HAGHL: variants seen among roughly 807,000 people sequenced by gnomAD.
HAGHL encodes hydroxyacylglutathione hydrolase like.
HAGHL carries 27 observed loss-of-function variants against 29.2 expected under a neutral mutation model. The observed-to-expected ratio is 0.92, with a 90% CI of 0.68 to 1.27. HAGHL has a LOEUF of 1.27. HAGHL is among the 50% of genes most tolerant of loss of function. The pLI is 0.00. For synonymous variants in HAGHL, 223 were observed against 185.7 expected (o/e 1.20, Z -1.63); for missense variants, 529 against 405.5 (o/e 1.30, Z -2.62).
Position 728,222 on chromosome 16 carries a change from G to C in HAGHL, c.277G>C (p.Glu93Gln). The change falls in exon 3 of 8, where the codon GAG becomes CAG. Residue 93 changes from glutamate to glutamine, a missense_variant. Physicochemically the swap from Glu to Gln is conservative, Grantham distance 29. Transcript: ENST00000389703. The part of the protein sequence containing the change: ...FSLTRRLAHG[E>Q]ELRFGAIHVR... The stretch of plus-strand genomic sequence containing the variant: ...GCTGACGCGCAGGCTGGCGCACGGC[G>C]AGGAGCTGCGGGTGAGCGCGCGCTC... The C allele has an allele frequency of 6.8e-7, 1 of 1,464,570 alleles. No individual in the cohort carries two copies. The highest frequency in any genetic ancestry group is 8.9e-7 in the Non-Finnish European group (1 of 1,118,220). 90.7% of individuals were successfully genotyped at this position (1,464,570 alleles called of 1,614,324 possible).
At position 729,303 on chromosome 16, in the gene HAGHL, C is replaced by A; in HGVS notation, c.696C>A (p.Arg232=). 1 of 1,528,320 alleles carries A rather than the reference C, an allele frequency of 6.5e-7. No homozygotes were observed. Among genetic ancestry groups the A allele is most frequent in the African/African-American group, 1.4e-5 (1 of 72,230 alleles). 94.7% of individuals were successfully genotyped at this position (1,528,320 alleles called of 1,614,324 possible). A position where few individuals can be genotyped will look rare whatever the true frequency, so the allele number is the denominator to read the frequency against. The change falls in exon 8 of 8, where the codon CGC becomes CGA. Residue 232 remains arginine (R), a synonymous_variant. Transcript: ENST00000389703. ...PFLRVAEEPV[R]KFTGKAVPAD... is the part of the protein sequence containing the mutation. ...CTCCCTGCAGAGAGGAGCCGGTGCGCAAGTTCACGGGCAAGGCGGTCCCCG... is the reference window on the plus strand; with the variant it reads ...CTCCCTGCAGAGAGGAGCCGGTGCGAAAGTTCACGGGCAAGGCGGTCCCCG...
rs2041047846 is a variant in HAGHL, at chr16:727,449, G to A, written c.-61G>A. 3 of 1,010,606 alleles carry A rather than the reference G, an allele frequency of 3.0e-6. No homozygotes were observed. Among genetic ancestry groups the A allele is most frequent in the Admixed American group, 4.0e-5 (2 of 50,504 alleles). 62.6% of individuals were successfully genotyped at this position (1,010,606 alleles called of 1,614,324 possible). On this transcript the variant is annotated 5_prime_UTR_variant, in exon 1 of 8. Transcript: ENST00000389703. Reference sequence around the variant, plus strand: ...TGTGGAGAGCGGGCCCCGCCCTGAAGGGGCACCGTGGGCTGGGGGGCCTGT... The same window carrying A: ...TGTGGAGAGCGGGCCCCGCCCTGAAAGGGCACCGTGGGCTGGGGGGCCTGT...
rs199808048 is a variant in HAGHL, at chr16:729,072, C to T, written c.664C>T (p.Pro222Ser). 3.7e-6 allele frequency: 6 copies of T among 1,609,590 alleles called. No individual in the cohort carries two copies. Among genetic ancestry groups the T allele is most frequent in the Middle Eastern group, 1.6e-4 (1 of 6,062 alleles). The stretch of plus-strand genomic sequence containing the variant: ...TCTGGGCGAGGAGCGCCTCTACAAC[C>T]CCTTCCTGCGGGTGGCGTGAGTATG... ...STLGEERLYN[P>S]FLRVAEEPVR... is the part of the protein sequence containing the mutation. Residue 222 changes from proline to serine, a missense_variant, in exon 7 of 8, where the codon CCC (proline) becomes TCC (serine). Pro to Ser is a moderately conservative substitution (Grantham distance 74). Coordinates refer to ENST00000389703, the MANE Select transcript of HAGHL (RefSeq NM_032304.4).
intron 2 of HAGHL, 21 bp from the exon 3 acceptor site, chr16:728,095 C>T (rs1164039056): frequency 1.4e-6 from 2 of 1,472,148 alleles, no homozygotes; most frequent in South Asian, 1.4e-5. Flanking sequence ...CCTAACCCGG[C>T]CCCCGCCCGC....
chr16:728,458 C>T (rs1258841761), intron 4 of HAGHL, 34 bp downstream of exon 4: 22 of 1,496,224 alleles, frequency 1.5e-5, no homozygotes, highest in Non-Finnish European at 2.0e-5. Flanking sequence ...CACCCCGCCT[C>T]CCGCCGGCCC....
chr16:728,234 G>A lies in HAGHL; in HGVS notation c.288+1G>A. On this transcript the variant is annotated splice_donor_variant, in intron 3 of 7. Coordinates refer to ENST00000389703, the MANE Select transcript of HAGHL (RefSeq NM_032304.4). LOFTEE classifies it high-confidence loss of function. ...GCTGGCGCACGGCGAGGAGCTGCGG[G>A]TGAGCGCGCGCTCCCGGGAGGGGCG... The A allele has an allele frequency of 1.4e-6, 2 of 1,481,284 alleles. No individual in the cohort carries two copies. Among genetic ancestry groups the A allele is most frequent in the Non-Finnish European group, 1.8e-6 (2 of 1,124,654 alleles). The allele number at this position is 1,481,284 out of a possible 1,614,324, so 91.8% of individuals were successfully genotyped here.
chr16:729,679 CG>C lies in HAGHL; in HGVS notation c.*227del. The C allele has an allele frequency of 6.7e-7, 1 of 1,502,908 alleles. No individual in the cohort carries two copies. The allele number at this position is 1,502,908 out of a possible 1,614,324, so 93.1% of individuals were successfully genotyped here. A position where few individuals can be genotyped will look rare whatever the true frequency, so the allele number is the denominator to read the frequency against. On this transcript the variant is annotated 3_prime_UTR_variant, in exon 8 of 8. Transcript: ENST00000389703. The stretch of plus-strand genomic sequence containing the variant: ...CTGGGTGTCTGGGAAGTGGGGCACA[CG>C]GGGCCTCCGAACTATGAATAAAGCT...
chr16:729,544 T>A lies in HAGHL; in HGVS notation c.*88T>A. On this transcript the variant is annotated 3_prime_UTR_variant, in exon 8 of 8. Transcript: ENST00000389703. ...CCACATGAGGGCCACCTCTGGAACC[T>A]TCTTCGAGGCCCTGGCCAGCCATCT... is the stretch of plus-strand genomic sequence containing the variant. 6.5e-7 allele frequency: 1 copy of A among 1,533,258 alleles called. No homozygotes were observed. The highest frequency in any genetic ancestry group is 8.7e-7 in the Non-Finnish European group (1 of 1,145,750). The allele number at this position is 1,533,258 out of a possible 1,614,324, so 95.0% of individuals were successfully genotyped here.
rs1488497278 is a variant in HAGHL, at chr16:727,511, T to TGG, written c.3_4insGG (p.Lys2_?1). The stretch of plus-strand genomic sequence containing the variant: ...CACCGGTGGCCGAGCTCCGTGACCA[T>TGG]GAAGGTCAAGGTCATCCCCGTGCTC... On this transcript the variant is annotated frameshift_variant and start_lost, in exon 1 of 8. Transcript: ENST00000389703. LOFTEE classifies it high-confidence loss of function. The TGG allele has an allele frequency of 3.1e-6, 5 of 1,602,306 alleles. No individual in the cohort carries two copies. The African/African-American group carries it at 6.7e-5, about 21-fold the overall frequency.
Position 727,968 on chromosome 16 carries a change from C to G in HAGHL, c.109C>G (p.Leu37Val), listed in dbSNP as rs1200919569. Residue 37 changes from leucine (L) to valine (V), a missense_variant, in exon 2 of 8, where the codon CTG becomes GTG. Coordinates refer to ENST00000389703, the MANE Select transcript of HAGHL (RefSeq NM_032304.4). ...AVDVAVPKRL[L>V]EIVGREGVSL... ...CCGTCACTCCCGTCCCTTTCAGCTG[C>G]TGGAGATCGTGGGCCGGGAGGGGGT... 1 of 1,607,488 alleles carries G rather than the reference C, an allele frequency of 6.2e-7. No individual in the cohort carries two copies. The highest frequency in any genetic ancestry group is 8.5e-7 in the Non-Finnish European group (1 of 1,178,068).
chr16:728,114 AG>A lies in HAGHL; in HGVS notation c.172del. On this transcript the variant is annotated splice_acceptor_variant, in intron 2 of 7. Transcript: ENST00000389703. LOFTEE classifies it high-confidence loss of function. ...ACCCGGCCCCCGCCCGCCCGCCCGC[AG>A]GGACCACGCGCGGGGAAACCCGGAG... 1 of 1,470,724 alleles carries A rather than the reference AG, an allele frequency of 6.8e-7. No homozygotes were observed. Among genetic ancestry groups the A allele is most frequent in the Non-Finnish European group, 9.0e-7 (1 of 1,116,504 alleles). The allele number at this position is 1,470,724 out of a possible 1,614,324, so 91.1% of individuals were successfully genotyped here.
At position 727,167 on chromosome 16, in the gene HAGHL, C is replaced by T. The variant is rs1158171662; in HGVS notation, c.-343C>T. 3 of 215,204 alleles carry T rather than the reference C, an allele frequency of 1.4e-5. No individual in the cohort carries two copies. The highest frequency in any genetic ancestry group is 2.7e-5 in the Non-Finnish European group (3 of 109,698). 13.3% of individuals were successfully genotyped at this position (215,204 alleles called of 1,614,324 possible). A position where few individuals can be genotyped will look rare whatever the true frequency, so the allele number is the denominator to read the frequency against. ...TGAGGCGGGCGGCGGGGGAACGCGG[C>T]TGTCCCGGGTCAGGGGTCTTGCGGC... is the stretch of plus-strand genomic sequence containing the variant. On this transcript the variant is annotated 5_prime_UTR_variant, in exon 1 of 8. Transcript: ENST00000389703.
chr16:729,302 G>T lies in HAGHL; in HGVS notation c.695G>T (p.Arg232Leu). Residue 232 changes from arginine to leucine, a missense_variant, in exon 8 of 8, where the codon CGC becomes CTC. Arg to Leu is a moderately radical substitution (Grantham distance 102, BLOSUM62 -2). Coordinates refer to ENST00000389703, the MANE Select transcript of HAGHL (RefSeq NM_032304.4). Reference protein sequence around the residue: ...PFLRVAEEPVRKFTGKAVPAD... With the variant: ...PFLRVAEEPVLKFTGKAVPAD... The stretch of plus-strand genomic sequence containing the variant: ...CCTCCCTGCAGAGAGGAGCCGGTGC[G>T]CAAGTTCACGGGCAAGGCGGTCCCC... 6.5e-7 allele frequency: 1 copy of T among 1,527,068 alleles called. No individual in the cohort carries two copies. Among genetic ancestry groups the T allele is most frequent in the Non-Finnish European group, 8.8e-7 (1 of 1,137,862 alleles). 94.6% of individuals were successfully genotyped at this position (1,527,068 alleles called of 1,614,324 possible).
chr16:728,551 G>A lies in HAGHL; in HGVS notation c.445G>A (p.Ala149Thr), dbSNP rs1386896794. The A allele has an allele frequency of 6.6e-7, 1 of 1,526,068 alleles. No homozygotes were observed. The highest frequency in any genetic ancestry group is 8.8e-7 in the Non-Finnish European group (1 of 1,142,794). 94.5% of individuals were successfully genotyped at this position (1,526,068 alleles called of 1,614,324 possible). A position where few individuals can be genotyped will look rare whatever the true frequency, so the allele number is the denominator to read the frequency against. Residue 149 changes from alanine to threonine, a missense_variant, in exon 5 of 8, where the codon GCC becomes ACC. Physicochemically the swap from Ala to Thr is moderately conservative, Grantham distance 58 (BLOSUM62 0). Transcript: ENST00000389703. ...AGCGSCLEGS[A>T]QQMYQSLAEL... ...CTGCGGCTCGTGCCTGGAGGGCAGC[G>A]CCCAGCAGATGTACCAGAGCCTGGC...
rs761802113 is a variant in HAGHL at position 727,671 on chromosome 16, A to G, written c.105+57A>G. ...GCCGTGTCCCCCGAGAGCCTCCCCGACCCCCCTGGTAGGAGCGAGCCCCCA... is the reference window on the plus strand; with the variant it reads ...GCCGTGTCCCCCGAGAGCCTCCCCGGCCCCCCTGGTAGGAGCGAGCCCCCA... On this transcript the variant is annotated intron_variant, in intron 1 of 7. Coordinates refer to ENST00000389703, the MANE Select transcript of HAGHL (RefSeq NM_032304.4). The G allele has an allele frequency of 8.9e-5, 106 of 1,188,758 alleles. No homozygotes were observed. The Middle Eastern group carries it at 5.4e-3, about 61-fold the overall frequency. 73.6% of individuals were successfully genotyped at this position (1,188,758 alleles called of 1,614,324 possible).
rs779295719 is a variant in HAGHL, at chr16:729,703, G to A, written c.*247G>A. 27 of 1,471,812 alleles carry A rather than the reference G, an allele frequency of 1.8e-5. No homozygotes were observed. Among genetic ancestry groups the A allele is most frequent in the South Asian group, 1.2e-4 (9 of 76,268 alleles). 91.2% of individuals were successfully genotyped at this position (1,471,812 alleles called of 1,614,324 possible). A position where few individuals can be genotyped will look rare whatever the true frequency, so the allele number is the denominator to read the frequency against. The stretch of plus-strand genomic sequence containing the variant: ...ACGGGGCCTCCGAACTATGAATAAA[G>A]CTTTGAAAGGCCGTTGTCAGTGTTG... On this transcript the variant is annotated 3_prime_UTR_variant, in exon 8 of 8. Coordinates refer to ENST00000389703, the MANE Select transcript of HAGHL (RefSeq NM_032304.4).
In HAGHL at chr16:729,358, C is replaced by T. The variant is rs1392165314; in HGVS notation, c.751C>T (p.Arg251Trp). 3 of 1,532,842 alleles carry T rather than the reference C, an allele frequency of 2.0e-6. No homozygotes were observed. The highest frequency in any genetic ancestry group is 2.6e-6 in the Non-Finnish European group (3 of 1,141,572). The allele number at this position is 1,532,842 out of a possible 1,614,324, so 95.0% of individuals were successfully genotyped here. A position where few individuals can be genotyped will look rare whatever the true frequency, so the allele number is the denominator to read the frequency against. ...CGTCCTGGAGGCGCTATGCAAGGAG[C>T]GGGCGCGCTTCGAACAGGCGGGCGA... Reference protein sequence around the residue: ...ADVLEALCKERARFEQAGEPR... With the variant: ...ADVLEALCKEWARFEQAGEPR... Residue 251 changes from arginine (R) to tryptophan (W), a missense_variant, in exon 8 of 8, where the codon CGG becomes TGG. By Grantham distance (101) the Arg-to-Trp change is moderately radical (BLOSUM62 -3). Coordinates refer to ENST00000389703, the MANE Select transcript of HAGHL (RefSeq NM_032304.4).
intron 7 of HAGHL, 88 bp downstream of exon 7, chr16:729,176 T>C: frequency 2.5e-6 from 4 of 1,575,516 alleles, no homozygotes; most frequent in Non-Finnish European, 3.4e-6. Context: ...TGAGTGAGCA[T>C]CTCTGGCTTG....
Position 729,572 on chromosome 16 carries a change from C to G in HAGHL, c.*116C>G, listed in dbSNP as rs1215941662. 1 of 1,532,254 alleles carries G rather than the reference C, an allele frequency of 6.5e-7. No individual in the cohort carries two copies. The highest frequency in any genetic ancestry group is 8.7e-7 in the Non-Finnish European group (1 of 1,145,652). 94.9% of individuals were successfully genotyped at this position (1,532,254 alleles called of 1,614,324 possible). On this transcript the variant is annotated 3_prime_UTR_variant, in exon 8 of 8. Transcript: ENST00000389703. ...TTCGAGGCCCTGGCCAGCCATCTGC[C>G]CAGCCTCGGAGGGTGGGCAACCTGG...
Sources: gnomAD v4.1 joint callset for allele counts on GRCh38, gnomAD v4.1.1 for gene constraint, MANE v1.5 for transcripts, NCBI Gene and HGNC (gene_info 2026-07-23, HGNC 2026-07-21) for gene names.